ADAMTS6: variants seen among roughly 807,000 people sequenced by gnomAD.
ADAMTS6 encodes A disintegrin and metalloproteinase with thrombospondin motifs 6.
A neutral mutation model predicts 144.3 loss-of-function variants in ADAMTS6; 23 were observed. The observed-to-expected ratio is 0.16, with a 90% CI of 0.11 to 0.23. The LOEUF is 0.23. Among genes scored for constraint, ADAMTS6 ranks in the 10% least tolerant of loss-of-function variants. The pLI, the probability that ADAMTS6 is intolerant of heterozygous loss-of-function variation, is 1.00. For missense variants in ADAMTS6, 999 were observed against 1,379.6 expected (o/e 0.72, Z 4.37); for synonymous variants, 444 against 457.5 (o/e 0.97, Z 0.38).
chr5:65,169,857 A>G lies in ADAMTS6; in HGVS notation c.3244+760T>C, dbSNP rs1257367591. On this transcript the variant is annotated intron_variant, in intron 24 of 24. Transcript: ENST00000381055. Reference sequence around the variant, plus strand: ...ACAATGAGATCACATGGACACAGGAAGGGGAATATCACACTCTGGGGACTG... The same window carrying G: ...ACAATGAGATCACATGGACACAGGAGGGGGAATATCACACTCTGGGGACTG... Among the ~76,000 whole-genome samples the G allele has an allele frequency of 7.6e-5, 10 of 131,774 alleles. No individual in the cohort carries two copies. In the East Asian group the frequency reaches 2.0e-3, roughly 27 times the overall value. 86.4% of individuals were successfully genotyped at this position (131,774 alleles called of 152,430 possible).
chr5:65,381,529 ATTTTTTTTTTTTTTT>A (rs748143650), intron 7 of ADAMTS6, among the ~76,000 whole-genome samples: 2 of 103,130 alleles, frequency 1.9e-5, no homozygotes, highest in African/African-American at 7.4e-5. Context: ...TGCCTGGCTA[ATTTTTTTTTTTTTTT>A]TTTTTTTTTT....
At chr5:65,450,265 C>T (rs1758631119) in intron 7 of ADAMTS6, among the ~76,000 whole-genome samples, 2 of 152,116 alleles carry the variant, frequency 1.3e-5, no homozygotes, top group South Asian at 4.1e-4. Flanking sequence ...ACCAAATTTT[C>T]TCACCAATGA....
chr5:65,413,211 T>C (rs1324243617), intron 7 of ADAMTS6, among the ~76,000 whole-genome samples: 1 of 152,098 alleles, frequency 6.6e-6, no homozygotes, highest in Non-Finnish European at 1.5e-5. Flanking sequence ...ATGAAAATAG[T>C]TTCTGTAAAG....
At chr5:65,158,652 C>T (rs542623088) in intron 24 of ADAMTS6, among the ~76,000 whole-genome samples, 8 of 152,292 alleles carry the variant, frequency 5.3e-5, no homozygotes, top group African/African-American at 1.9e-4. Flanking sequence ...TGCAAATGTA[C>T]TGATACCCAG....
chr5:65,276,967 A>T (rs1356186631), intron 11 of ADAMTS6, among the ~76,000 whole-genome samples: 1 of 152,230 alleles, frequency 6.6e-6, no homozygotes, highest in Non-Finnish European at 1.5e-5. Flanking sequence ...GTGAATTAAT[A>T]AATCAGCACC....
At chr5:65,232,854 C>A (rs907234918) in intron 15 of ADAMTS6, among the ~76,000 whole-genome samples, 1 of 152,028 alleles carries the variant, frequency 6.6e-6, no homozygotes, top group African/African-American at 2.4e-5. Context: ...TTTATGAGGG[C>A]AGCATTACCC....
chr5:65,456,619 T>C (rs1170729550), intron 4 of ADAMTS6, among the ~76,000 whole-genome samples: 1 of 152,194 alleles, frequency 6.6e-6, no homozygotes, highest in Non-Finnish European at 1.5e-5. Flanking sequence ...GCTTTATTTA[T>C]TGCTGCATCC....
In ADAMTS6 at chr5:65,149,085, A is replaced by G. The variant is rs963696421; in HGVS notation, c.*2751T>C. On this transcript the variant is annotated 3_prime_UTR_variant, in exon 25 of 25. Coordinates refer to ENST00000381055, the MANE Select transcript of ADAMTS6 (RefSeq NM_197941.4). ...ATGAAATGGACTATTTGGAAATCAT[A>G]TGTATCTCACGGGGTTTAATCATTA... 7 of 152,764 alleles carry G rather than the reference A, an allele frequency of 4.6e-5. No homozygotes were observed. The highest frequency in any genetic ancestry group is 1.7e-4 in the African/African-American group (7 of 41,562). 9.5% of individuals were successfully genotyped at this position (152,764 alleles called of 1,614,324 possible). A position where few individuals can be genotyped will look rare whatever the true frequency, so the allele number is the denominator to read the frequency against.
Position 65,343,970 on chromosome 5 carries a change from C to T in ADAMTS6, c.1074-9885G>A, listed in dbSNP as rs145595917. The stretch of plus-strand genomic sequence containing the variant: ...TTTTAAAATGCTCAACATCACTAAT[C>T]GTCATGCTTTTGCTGATAGCATGAA... On this transcript the variant is annotated intron_variant, in intron 7 of 24. Coordinates refer to ENST00000381055, the MANE Select transcript of ADAMTS6 (RefSeq NM_197941.4). 6.0e-3 allele frequency among the ~76,000 whole-genome samples: 906 copies of T among 152,086 alleles called. 10 individuals carry two copies. Among genetic ancestry groups the T allele is most frequent in the African/African-American group, 0.021 (862 of 41,534 alleles).
chr5:65,224,888 C>G (rs1757608795), intron 17 of ADAMTS6, 36 bp downstream of exon 17: 1 of 1,586,726 alleles, frequency 6.3e-7, no homozygotes, highest in African/African-American at 1.3e-5. Flanking sequence ...CCAAGTACAC[C>G]AGAGGTGTGA....
intron 7 of ADAMTS6, among the ~76,000 whole-genome samples, chr5:65,398,787 AG>A: frequency 5.0e-5 from 1 of 20,182 alleles, no homozygotes; most frequent in Non-Finnish European, 1.0e-4. Context: ...AGAGCAAGAA[AG>A]AAAGAAAGAA....
intron 11 of ADAMTS6, among the ~76,000 whole-genome samples, chr5:65,277,674 G>T (rs1052893378): frequency 2.6e-5 from 4 of 151,874 alleles, no homozygotes; most frequent in African/African-American, 9.7e-5. Context: ...AAATTCCCAA[G>T]GGCAGGGTCT....
intron 2 of ADAMTS6, among the ~76,000 whole-genome samples, chr5:65,471,707 G>A (rs1760460274): frequency 6.6e-6 from 1 of 151,626 alleles, no homozygotes; most frequent in African/African-American, 2.4e-5. Flanking sequence ...GCAGTGAGCC[G>A]AGATTGCGCC....
chr5:65,158,910 T>C (rs928293298), intron 24 of ADAMTS6, among the ~76,000 whole-genome samples: 1 of 152,170 alleles, frequency 6.6e-6, no homozygotes, highest in Non-Finnish European at 1.5e-5. Flanking sequence ...TCCCTCCATT[T>C]CTTCAATCTC....
intron 9 of ADAMTS6, among the ~76,000 whole-genome samples, chr5:65,320,357 A>G (rs1745488511): frequency 6.6e-6 from 1 of 152,212 alleles, no homozygotes; most frequent in Admixed American, 6.5e-5. Flanking sequence ...ACATAATTAC[A>G]AAACAAGGAC....
At chr5:65,383,669 T>G (rs1752235345) in intron 7 of ADAMTS6, among the ~76,000 whole-genome samples, 1 of 152,162 alleles carries the variant, frequency 6.6e-6, no homozygotes, top group African/African-American at 2.4e-5. Context: ...GAAATGCACT[T>G]TGATTCCTCT....
At chr5:65,382,635 C>T (rs1752138805) in intron 7 of ADAMTS6, among the ~76,000 whole-genome samples, 1 of 152,226 alleles carries the variant, frequency 6.6e-6, no homozygotes, top group Admixed American at 6.5e-5. Flanking sequence ...TCATTTCATA[C>T]TTCATTTTTG....
intron 7 of ADAMTS6, among the ~76,000 whole-genome samples, chr5:65,392,614 G>A (rs1340300078): frequency 1.3e-5 from 2 of 152,110 alleles, no homozygotes; most frequent in African/African-American, 4.8e-5. Flanking sequence ...TGACCCCATT[G>A]TTTTATTTAG....
rs553412765 is a variant in ADAMTS6 at position 65,327,942 on chromosome 5, T to C, written c.1223+1436A>G. Among the ~76,000 whole-genome samples the C allele has an allele frequency of 1.4e-4, 21 of 152,292 alleles. 1 individual carries two copies. The South Asian group carries it at 4.1e-3, about 30-fold the overall frequency. On this transcript the variant is annotated intron_variant, in intron 9 of 24. Coordinates refer to ENST00000381055, the MANE Select transcript of ADAMTS6 (RefSeq NM_197941.4). The stretch of plus-strand genomic sequence containing the variant: ...ACAGAACCTAATAAATTCAGTTTGA[T>C]TGCATAAGAGTATGACAGTCATTAA...
Sources: gnomAD v4.1 joint callset for allele counts (sites outside exome capture counted in the v4.1 genomes callset) on GRCh38, gnomAD v4.1.1 for gene constraint, MANE v1.5 for transcripts, NCBI Gene and HGNC (gene_info 2026-07-23, HGNC 2026-07-21) for gene names.